The following PDE8A variants were observed in gnomAD, a reference collection of about 807,000 sequenced individuals.
PDE8A encodes phosphodiesterase 8A, also known as high affinity cAMP-specific and IBMX-insensitive 3',5'-cyclic phosphodiesterase 8A.
A neutral mutation model predicts 105.0 loss-of-function variants in PDE8A; 59 were observed. That is an observed-to-expected ratio of 0.56 (90% CI 0.46 to 0.70). The LOEUF (loss-of-function observed/expected upper bound fraction) is 0.70. Among genes scored for constraint, PDE8A ranks in the 30% least tolerant of loss-of-function variants. The pLI, the probability that PDE8A is intolerant of heterozygous loss-of-function variation, is 0.00. For missense variants in PDE8A, 1,014 were observed against 1,045.9 expected (o/e 0.97, Z 0.42); for synonymous variants, 355 against 371.9 (o/e 0.95, Z 0.52).
chr15:85,123,740 A>G (rs2082218216), intron 19 of PDE8A, among the ~76,000 whole-genome samples: 1 of 152,198 alleles, frequency 6.6e-6, no homozygotes, highest in South Asian at 2.1e-4. Context: ...CAATCCAATC[A>G]AGTTGACACT....
intron 20 of PDE8A, among the ~76,000 whole-genome samples, chr15:85,127,043 A>G (rs1335992875): frequency 6.6e-6 from 1 of 152,068 alleles, no homozygotes; most frequent in Non-Finnish European, 1.5e-5. Context: ...AAAAAAATTA[A>G]AAGTTAGCCG....
At chr15:85,135,805 T>C (rs1269378054) in intron 20 of PDE8A, among the ~76,000 whole-genome samples, 5 of 152,174 alleles carry the variant, frequency 3.3e-5, no homozygotes, top group African/African-American at 1.2e-4. Context: ...TGCGAGTCTC[T>C]CTGAAATCCT....
At chr15:85,121,144 G>GT in intron 18 of PDE8A, 130 bp downstream of exon 18, 10 of 618,626 alleles carry the variant, frequency 1.6e-5, no homozygotes, top group Non-Finnish European at 2.7e-5. Flanking sequence ...GCCGGACATA[G>GT]TGGCTCATGC....
intron 1 of PDE8A, among the ~76,000 whole-genome samples, chr15:85,002,585 G>C (rs2080084467): frequency 6.6e-6 from 1 of 152,202 alleles, no homozygotes; most frequent in Admixed American, 6.5e-5. Flanking sequence ...TTGGTTATCA[G>C]CTCAACTCTC....
chr15:85,113,208 C>T (rs747997899), intron 12 of PDE8A, among the ~76,000 whole-genome samples, 169 bp from the exon 13 acceptor site: 26 of 152,124 alleles, frequency 1.7e-4, no homozygotes, highest in Non-Finnish European at 3.5e-4. Context: ...CTGAAGGAAA[C>T]AGAATTGGTT....
At chr15:85,014,956 G>GGC (rs1322818077) in intron 1 of PDE8A, among the ~76,000 whole-genome samples, 1 of 151,914 alleles carries the variant, frequency 6.6e-6, no homozygotes, top group Non-Finnish European at 1.5e-5. Context: ...CCCAGCCTCT[G>GGC]GCAACCACTA....
chr15:85,038,216 G>GGTGTGT lies in PDE8A; in HGVS notation c.187-26121_187-26116dup, dbSNP rs773765859. On this transcript the variant is annotated intron_variant, in intron 1 of 21. Transcript: ENST00000394553. ...TCTGCAAGGCTCTCTCCAATTGGGG[G>GGTGTGT]GTGTGTGTGTGTGTGTGTGTGTGTG... Among the ~76,000 whole-genome samples, 322 of 48,318 alleles carry GGTGTGT rather than the reference G, an allele frequency of 6.7e-3. 1 individual carries two copies. Among genetic ancestry groups the GGTGTGT allele is most frequent in the Admixed American group, 0.01 (64 of 6,142 alleles). The allele number at this position is 48,318 out of a possible 152,430, so 31.7% of individuals were successfully genotyped here.
chr15:85,003,445 CG>C (rs2080097122), intron 1 of PDE8A, among the ~76,000 whole-genome samples: 1 of 152,102 alleles, frequency 6.6e-6, no homozygotes, highest in Non-Finnish European at 1.5e-5. Context: ...ACGACCTCTG[CG>C]ATGGGCAACA....
intron 5 of PDE8A, among the ~76,000 whole-genome samples, chr15:85,081,227 A>G (rs1408958536): frequency 6.6e-6 from 1 of 152,190 alleles, no homozygotes; most frequent in African/African-American, 2.4e-5. Context: ...TTTGTGTTTT[A>G]GCCATGTTTC....
In PDE8A at chr15:85,054,642, C is replaced by T. The variant is rs187243526; in HGVS notation, c.187-9728C>T. 2.6e-5 allele frequency among the ~76,000 whole-genome samples: 4 copies of T among 152,224 alleles called. No individual in the cohort carries two copies. The East Asian group carries it at 7.7e-4, about 29-fold the overall frequency. Reference sequence around the variant, plus strand: ...TATTCTCTGACGGTAGTTTGTATTTCTGTGGGATCGGTGGTTATATTCCCT... The same window carrying T: ...TATTCTCTGACGGTAGTTTGTATTTTTGTGGGATCGGTGGTTATATTCCCT... On this transcript the variant is annotated intron_variant, in intron 1 of 21. Transcript: ENST00000394553.
chr15:85,030,285 T>C (rs1273143296), intron 1 of PDE8A, among the ~76,000 whole-genome samples: 1 of 151,962 alleles, frequency 6.6e-6, no homozygotes, highest in Non-Finnish European at 1.5e-5. Context: ...TCCTGGAACC[T>C]GAGGTTGTGT....
intron 1 of PDE8A, among the ~76,000 whole-genome samples, chr15:85,053,565 T>C (rs2081009936): frequency 6.6e-6 from 1 of 152,224 alleles, no homozygotes; most frequent in Non-Finnish European, 1.5e-5. Context: ...TCCTAGGTAT[T>C]CTATTCTCTT....
chr15:85,014,208 A>G (rs998966075), intron 1 of PDE8A, among the ~76,000 whole-genome samples: 1 of 151,834 alleles, frequency 6.6e-6, no homozygotes, highest in Non-Finnish European at 1.5e-5. Context: ...GTGCAGTGGC[A>G]TGATAATAGC....
intron 3 of PDE8A, among the ~76,000 whole-genome samples, chr15:85,071,191 T>A (rs1013611426): frequency 1.3e-5 from 2 of 151,540 alleles, no homozygotes; most frequent in Non-Finnish European, 2.9e-5. Flanking sequence ...TCTTTGAAGC[T>A]GAAATACCAG....
chr15:85,023,585 G>A (rs1292430705), intron 1 of PDE8A, among the ~76,000 whole-genome samples: 1 of 151,264 alleles, frequency 6.6e-6, no homozygotes, highest in Non-Finnish European at 1.5e-5. Flanking sequence ...GAGAATTATT[G>A]GAGGAGGAAT....
In PDE8A at chr15:85,107,601, G is replaced by T. The variant is rs535733332; in HGVS notation, c.1037-1452G>T. ...GCTGACCCAGTGGAAGGAGAGGGGA[G>T]GGGGAGAAGTGATGGATGACTTCTG... is the stretch of plus-strand genomic sequence containing the variant. On this transcript the variant is annotated intron_variant, in intron 11 of 21. Coordinates refer to ENST00000394553, the MANE Select transcript of PDE8A (RefSeq NM_002605.3). Among the ~76,000 whole-genome samples the T allele has an allele frequency of 3.8e-4, 58 of 152,240 alleles. No homozygotes were observed. In the South Asian group the frequency reaches 0.011, roughly 30 times the overall value.
intron 1 of PDE8A, among the ~76,000 whole-genome samples, chr15:85,032,540 A>C (rs965847325): frequency 2.6e-5 from 4 of 152,222 alleles, no homozygotes; most frequent in African/African-American, 9.6e-5. Context: ...TCTCTGATTT[A>C]CAAGGAAACT....
intron 8 of PDE8A, 134 bp downstream of exon 8, chr15:85,091,315 C>A: frequency 1.5e-6 from 1 of 671,294 alleles, no homozygotes. Flanking sequence ...GAATGTTATC[C>A]CTGTTATATC....
chr15:85,030,700 A>G (rs2080600143), intron 1 of PDE8A, among the ~76,000 whole-genome samples: 1 of 105,200 alleles, frequency 9.5e-6, no homozygotes, highest in African/African-American at 3.4e-5. Context: ...TCACACTTCC[A>G]TGCCTTTTTG....
Sources: allele counts gnomAD v4.1 joint callset (sites outside exome capture counted in the v4.1 genomes callset), GRCh38; gene constraint gnomAD v4.1.1; transcripts MANE v1.5; gene names NCBI Gene and HGNC (gene_info 2026-07-23, HGNC 2026-07-21).